STX18: variants seen among roughly 807,000 people sequenced by gnomAD.
STX18 encodes the protein syntaxin-18.
In STX18, 40 loss-of-function variants were observed where a neutral mutation model predicts 50.1. That is an observed-to-expected ratio of 0.80 (90% CI 0.62 to 1.04). The LOEUF is 1.04. Among genes scored for constraint, STX18 ranks in the 50% least tolerant of loss-of-function variants. STX18 has a pLI of 0.00. For missense variants in STX18, 410 were observed against 415.8 expected, an observed-to-expected ratio of 0.99 and a Z score of 0.12; for synonymous variants, 158 against 151.8, an observed-to-expected ratio of 1.04 and a Z score of -0.30.
chr4:4,540,979 A>G (rs578197984), intron 1 of STX18, among the ~76,000 whole-genome samples: 16 of 152,348 alleles, frequency 1.1e-4, no homozygotes, highest in Non-Finnish European at 2.1e-4. Context: ...ACAGAACTAT[A>G]TAAGCTGTAG....
At chr4:4,536,856 A>G (rs1036741808) in intron 1 of STX18, among the ~76,000 whole-genome samples, 1 of 152,262 alleles carries the variant, frequency 6.6e-6, no homozygotes, top group African/African-American at 2.4e-5. Context: ...TAGAGTTCCC[A>G]GCAATTCAGG....
At chr4:4,514,281 T>C (rs1023691764) in intron 1 of STX18, among the ~76,000 whole-genome samples, 5 of 152,206 alleles carry the variant, frequency 3.3e-5, no homozygotes, top group Non-Finnish European at 5.9e-5. Flanking sequence ...AAAATTGCCA[T>C]AAGTAAAGCT....
chr4:4,509,696 A>G (rs957506258), intron 1 of STX18, among the ~76,000 whole-genome samples: 1 of 152,218 alleles, frequency 6.6e-6, no homozygotes, highest in African/African-American at 2.4e-5. Context: ...ACAAAAAGCA[A>G]AAGTAATGCA....
rs1724797293 is a variant in STX18, at chr4:4,419,394, C to T, written c.*640G>A. The T allele has an allele frequency of 6.6e-6, 1 of 152,250 alleles. No individual in the cohort carries two copies. Among genetic ancestry groups the T allele is most frequent in the Admixed American group, 6.5e-5 (1 of 15,282 alleles). 9.4% of individuals were successfully genotyped at this position (152,250 alleles called of 1,614,324 possible). A position where few individuals can be genotyped will look rare whatever the true frequency, so the allele number is the denominator to read the frequency against. On this transcript the variant is annotated 3_prime_UTR_variant, in exon 11 of 11. Coordinates refer to ENST00000306200, the MANE Select transcript of STX18 (RefSeq NM_016930.4). Reference sequence around the variant, plus strand: ...CCCTCACTGAGGGCCCCAGTCTCCCCTGCATTTCTTCCCTGATTGATTGAT... The same window carrying T: ...CCCTCACTGAGGGCCCCAGTCTCCCTTGCATTTCTTCCCTGATTGATTGAT...
chr4:4,534,039 A>G (rs770879261), intron 1 of STX18, among the ~76,000 whole-genome samples: 21 of 152,192 alleles, frequency 1.4e-4, no homozygotes, highest in Admixed American at 3.9e-4. Context: ...TCTCGCCACC[A>G]TAAGTCCCAG....
chr4:4,469,071 G>A (rs1209361103), intron 2 of STX18, among the ~76,000 whole-genome samples: 1 of 152,148 alleles, frequency 6.6e-6, no homozygotes, highest in Non-Finnish European at 1.5e-5. Context: ...TCCCCTTGAG[G>A]AAAAGCCACT....
At chr4:4,487,836 C>T (rs898419880) in intron 1 of STX18, among the ~76,000 whole-genome samples, 1 of 152,136 alleles carries the variant, frequency 6.6e-6, no homozygotes, top group Non-Finnish European at 1.5e-5. Context: ...TTAAAAAATT[C>T]TAAGTCCAAA....
chr4:4,511,763 T>TGTGC (rs1183147537), intron 1 of STX18, among the ~76,000 whole-genome samples: 1 of 136,064 alleles, frequency 7.3e-6, no homozygotes, highest in African/African-American at 3.2e-5. Flanking sequence ...TGTGTGTGTA[T>TGTGC]GCCCCTAGGT....
At chr4:4,440,260 T>G (rs753073987) in intron 5 of STX18, among the ~76,000 whole-genome samples, 15 of 152,262 alleles carry the variant, frequency 9.9e-5, no homozygotes, top group Non-Finnish European at 1.6e-4. Context: ...CCAGCTAACA[T>G]TTGTTAATGG....
intron 6 of STX18, 56 bp from the exon 7 acceptor site, chr4:4,434,914 G>A: frequency 8.0e-7 from 1 of 1,250,650 alleles, no homozygotes; most frequent in African/African-American, 1.5e-5. Flanking sequence ...GAATAGGCTG[G>A]CTTAGGATGT....
chr4:4,437,855 G>A (rs1263103121), intron 6 of STX18, among the ~76,000 whole-genome samples: 2 of 152,170 alleles, frequency 1.3e-5, no homozygotes, highest in African/African-American at 2.4e-5. Flanking sequence ...CTACATTTTC[G>A]GACTTCATGG....
At chr4:4,517,265 T>C (rs1409188618) in intron 1 of STX18, among the ~76,000 whole-genome samples, 1 of 152,206 alleles carries the variant, frequency 6.6e-6, no homozygotes, top group Non-Finnish European at 1.5e-5. Flanking sequence ...AATTATAGCT[T>C]CATTTTCTAT....
chr4:4,468,858 C>T (rs941325969), intron 2 of STX18, among the ~76,000 whole-genome samples: 18 of 152,092 alleles, frequency 1.2e-4, no homozygotes. Context: ...TCCTAATAGT[C>T]TCAAAGTGGA....
chr4:4,459,569 C>T (rs1472682435), intron 2 of STX18, 82 bp from the exon 3 acceptor site: 5 of 972,800 alleles, frequency 5.1e-6, no homozygotes, highest in Non-Finnish European at 8.2e-6. Flanking sequence ...GAAGAAAAGG[C>T]CTCCCTGATC....
chr4:4,465,684 GATGATCTGTGCAGCAAACCACC>G (rs1195782710), intron 2 of STX18, among the ~76,000 whole-genome samples: 2 of 152,150 alleles, frequency 1.3e-5, no homozygotes, highest in African/African-American at 4.8e-5. Context: ...TGGGTGATGG[GATGATCTGTGCAGCAAACCACC>G]ATGGCACACA....
intron 1 of STX18, among the ~76,000 whole-genome samples, chr4:4,481,010 G>A (rs535065438): frequency 2.0e-5 from 3 of 152,302 alleles, no homozygotes; most frequent in African/African-American, 7.2e-5. Flanking sequence ...GGGAGCTCTG[G>A]GAGCATGGCT....
intron 9 of STX18, among the ~76,000 whole-genome samples, chr4:4,422,841 G>A (rs1266679381): frequency 6.6e-6 from 1 of 152,194 alleles, no homozygotes; most frequent in Admixed American, 6.5e-5. Flanking sequence ...CTTAAGTCAA[G>A]TAGTCCAGTT....
intron 1 of STX18, among the ~76,000 whole-genome samples, chr4:4,524,096 G>T (rs145131453): frequency 2.0e-5 from 3 of 152,234 alleles, no homozygotes; most frequent in African/African-American, 7.2e-5. Context: ...ACTCACGTTT[G>T]TACACCTAAT....
intron 1 of STX18, among the ~76,000 whole-genome samples, chr4:4,537,157 A>C (rs981288299): frequency 3.9e-5 from 6 of 152,120 alleles, no homozygotes; most frequent in Non-Finnish European, 8.8e-5. Flanking sequence ...TCAGTAAGAG[A>C]ATAGAAGAGC....
Sources: allele counts gnomAD v4.1 joint callset (sites outside exome capture counted in the v4.1 genomes callset), GRCh38; gene constraint gnomAD v4.1.1; transcripts MANE v1.5; gene names NCBI Gene and HGNC (gene_info 2026-07-23, HGNC 2026-07-21).